The following SRRM3 variants were observed in gnomAD, a reference collection of about 807,000 sequenced individuals.
SRRM3 encodes serine/arginine repetitive matrix protein 3.
SRRM3 carries 27 observed loss-of-function variants against 66.2 expected under a neutral mutation model. That is an observed-to-expected ratio of 0.41 (90% CI 0.30 to 0.56). SRRM3 has a LOEUF of 0.56. SRRM3 is among the 20% of genes least tolerant of loss of function. The pLI, the probability that SRRM3 is intolerant of heterozygous loss-of-function variation, is 0.32. For synonymous variants in SRRM3, 391 were observed against 414.9 expected, an observed-to-expected ratio of 0.94 and a Z score of 0.70; for missense variants, 918 against 991.9, an observed-to-expected ratio of 0.93 and a Z score of 1.00.
intron 11 of SRRM3, among the ~76,000 whole-genome samples, chr7:76,274,020 G>A (rs963054770): frequency 1.3e-5 from 2 of 152,196 alleles, no homozygotes; most frequent in East Asian, 3.9e-4. Flanking sequence ...CTGCAGTGAA[G>A]CCAATTTGAT....
At chr7:76,209,358 G>A (rs1458102206) in intron 1 of SRRM3, among the ~76,000 whole-genome samples, 1 of 152,212 alleles carries the variant, frequency 6.6e-6, no homozygotes, top group Non-Finnish European at 1.5e-5. Flanking sequence ...AAAGTGATAT[G>A]GAGCATCAGA....
intron 11 of SRRM3, among the ~76,000 whole-genome samples, chr7:76,271,020 G>A (rs1166416416): frequency 6.6e-6 from 1 of 151,972 alleles, no homozygotes; most frequent in Admixed American, 6.6e-5. Context: ...GGCCAGTGAT[G>A]TGGTTACTCC....
rs144906176 is a variant in SRRM3 at position 76,228,769 on chromosome 7, G to C, written c.-39-6259G>C. On this transcript the variant is annotated intron_variant, in intron 1 of 14. Coordinates refer to ENST00000611745, the MANE Select transcript of SRRM3 (RefSeq NM_001110199.3). The stretch of plus-strand genomic sequence containing the variant: ...AATCTGTGTCTTAACAAGTCTTCCT[G>C]GTGATTCTGATGCCCAATAAAATTT... Among the ~76,000 whole-genome samples, 53 of 152,172 alleles carry C rather than the reference G, an allele frequency of 3.5e-4. 4 individuals are homozygous for C. The East Asian group carries it at 0.01, about 29-fold the overall frequency.
intron 14 of SRRM3, 115 bp downstream of exon 14, chr7:76,283,216 GA>G (rs1802575741): frequency 5.7e-5 from 64 of 1,124,912 alleles, no homozygotes; most frequent in Non-Finnish European, 6.8e-5. Context: ...CTGGCACGGG[GA>G]TGGGGGGGGG....
At chr7:76,245,448 T>A (rs1468121004) in intron 2 of SRRM3, among the ~76,000 whole-genome samples, 10 of 152,218 alleles carry the variant, frequency 6.6e-5, no homozygotes, top group African/African-American at 1.7e-4. Context: ...AATAATTTTT[T>A]AAAAATTTAA....
intron 2 of SRRM3, among the ~76,000 whole-genome samples, chr7:76,245,403 T>G (rs1801413500): frequency 6.6e-6 from 1 of 152,148 alleles, no homozygotes; most frequent in African/African-American, 2.4e-5. Flanking sequence ...TTAAAATTAT[T>G]TTTTAAAACT....
At position 76,210,161 on chromosome 7, in the gene SRRM3, C is replaced by G. The variant is rs116223161; in HGVS notation, c.-40+8094C>G. ...GCCTCTGGGAGCTGGGCAACCTGCC[C>G]CCTACACCAATCTCCAGCTGATGGC... is the stretch of plus-strand genomic sequence containing the variant. On this transcript the variant is annotated intron_variant, in intron 1 of 14. Coordinates refer to ENST00000611745, the MANE Select transcript of SRRM3 (RefSeq NM_001110199.3). Among the ~76,000 whole-genome samples, 1,265 of 152,234 alleles carry G rather than the reference C, an allele frequency of 8.3e-3. 23 individuals carry two copies. Among genetic ancestry groups the G allele is most frequent in the African/African-American group, 0.029 (1,189 of 41,546 alleles).
intron 2 of SRRM3, among the ~76,000 whole-genome samples, chr7:76,243,453 C>A (rs1160301311): frequency 1.3e-5 from 2 of 152,170 alleles, no homozygotes; most frequent in East Asian, 3.9e-4. Flanking sequence ...CCTCCCCAAG[C>A]CTCTGAGTTG....
chr7:76,248,310 G>T (rs889509034), intron 3 of SRRM3, 21 bp downstream of exon 3: 8 of 1,586,026 alleles, frequency 5.0e-6, no homozygotes, highest in Middle Eastern at 1.7e-4. Flanking sequence ...ACCTGTGTGG[G>T]GATGAGGGAG....
chr7:76,234,883 C>G, intron 1 of SRRM3, 145 bp from the exon 2 acceptor site: 1 of 592,482 alleles, frequency 1.7e-6, no homozygotes. Flanking sequence ...GCAAACCAGC[C>G]GTCCGCTTCC....
chr7:76,206,027 AGAGAGGG>A (rs1177168779), intron 1 of SRRM3, among the ~76,000 whole-genome samples: 1 of 152,062 alleles, frequency 6.6e-6, no homozygotes, highest in African/African-American at 2.4e-5. Context: ...AATTTTTTTG[AGAGAGGG>A]GCTCAATCTG....
Position 76,206,791 on chromosome 7 carries a change from G to A in SRRM3, c.-40+4724G>A, listed in dbSNP as rs147322287. On this transcript the variant is annotated intron_variant, in intron 1 of 14. Transcript: ENST00000611745. ...TGTCCTTCTGCAGCGCTGCTTCCTCGGCAGCCAGCCTGGCCTCAGCCTCCT... is the reference window on the plus strand; with the variant it reads ...TGTCCTTCTGCAGCGCTGCTTCCTCAGCAGCCAGCCTGGCCTCAGCCTCCT... Among the ~76,000 whole-genome samples the A allele has an allele frequency of 4.6e-3, 701 of 152,014 alleles. 9 individuals are homozygous for A. Among genetic ancestry groups the A allele is most frequent in the African/African-American group, 0.016 (674 of 41,490 alleles).
rs782516117 is a variant in SRRM3 at position 76,282,631 on chromosome 7, C to T, written c.1371-17C>T. ...CCGGGTCGCTGAGCCCTATCCCGCG[C>T]CGTCTCCCTCCTCCAGGGCCAAGGA... On this transcript the variant is annotated splice_polypyrimidine_tract_variant and intron_variant, in intron 12 of 14. Coordinates refer to ENST00000611745, the MANE Select transcript of SRRM3 (RefSeq NM_001110199.3). 4 of 1,405,378 alleles carry T rather than the reference C, an allele frequency of 2.8e-6. No individual in the cohort carries two copies. Among genetic ancestry groups the T allele is most frequent in the Admixed American group, 2.9e-5 (1 of 34,584 alleles). The allele number at this position is 1,405,378 out of a possible 1,614,324, so 87.1% of individuals were successfully genotyped here.
At chr7:76,236,990 C>A (rs560540240) in intron 2 of SRRM3, among the ~76,000 whole-genome samples, 1 of 152,274 alleles carries the variant, frequency 6.6e-6, no homozygotes, top group Non-Finnish European at 1.5e-5. Flanking sequence ...CGGTGGCTCA[C>A]GGCTGTACCA....
chr7:76,215,637 T>C (rs1554602444), intron 1 of SRRM3, among the ~76,000 whole-genome samples: 2 of 147,420 alleles, frequency 1.4e-5, no homozygotes, highest in African/African-American at 5.0e-5. Context: ...TTTTTTTTTT[T>C]TTTTTTTGAG....
In SRRM3 at chr7:76,267,423, C is replaced by G; in HGVS notation, c.996C>G (p.His332Gln). The change falls in exon 11 of 15, where the codon CAC (histidine) becomes CAG (glutamine). Residue 332 changes from histidine (H) to glutamine (Q), a missense_variant. Physicochemically the swap from His to Gln is conservative, Grantham distance 24. Coordinates refer to ENST00000611745, the MANE Select transcript of SRRM3 (RefSeq NM_001110199.3). ...ACGGGGGCCGCCCCGGCTCGGCGCA[C>G]AGCCCGCCCGATGTACGTACGCTTC... ...GAHGGRPGSA[H>Q]SPPDKPSSPS... 2 of 1,367,590 alleles carry G rather than the reference C, an allele frequency of 1.5e-6. No homozygotes were observed. Among genetic ancestry groups the G allele is most frequent in the Non-Finnish European group, 1.9e-6 (2 of 1,065,640 alleles). 84.7% of individuals were successfully genotyped at this position (1,367,590 alleles called of 1,614,324 possible). A position where few individuals can be genotyped will look rare whatever the true frequency, so the allele number is the denominator to read the frequency against.
At chr7:76,259,638 T>G (rs1801803372) in intron 3 of SRRM3, among the ~76,000 whole-genome samples, 1 of 147,746 alleles carries the variant, frequency 6.8e-6, no homozygotes, top group African/African-American at 2.5e-5. Context: ...TCAGAAGGGG[T>G]GCGGGCTAAA....
At chr7:76,247,357 AAGCCACTTGGC>A (rs374540158) in intron 2 of SRRM3, among the ~76,000 whole-genome samples, 222 of 151,610 alleles carry the variant, frequency 1.5e-3, no homozygotes, top group African/African-American at 5.0e-3. Flanking sequence ...ACCCCCCTAC[AAGCCACTTGGC>A]AGCCTTACCC....
rs1801983597 is a variant in SRRM3 at position 76,265,391 on chromosome 7, G to A, written c.753G>A (p.Arg251=). The A allele has an allele frequency of 6.2e-7, 1 of 1,603,144 alleles. No homozygotes were observed. The highest frequency in any genetic ancestry group is 8.5e-7 in the Non-Finnish European group (1 of 1,175,266). ...KRPHTESPGR[R]SHRHSSGSSH... ...CTCACACAGAGTCCCCAGGCCGGAG[G>A]TCTCATCGCCATAGCAGTGGCAGCT... is the stretch of plus-strand genomic sequence containing the variant. The change falls in exon 10 of 15, where the codon AGG becomes AGA. Residue 251 remains arginine, a synonymous_variant. Coordinates refer to ENST00000611745, the MANE Select transcript of SRRM3 (RefSeq NM_001110199.3).
Sources: allele counts gnomAD v4.1 joint callset (sites outside exome capture counted in the v4.1 genomes callset), GRCh38; gene constraint gnomAD v4.1.1; transcripts MANE v1.5; gene names NCBI Gene and HGNC (gene_info 2026-07-23, HGNC 2026-07-21).